Variants in KCNIP4 observed in about 807,000 individuals in gnomAD.
KCNIP4 encodes potassium voltage-gated channel interacting protein 4, also known as Kv channel-interacting protein 4.
In KCNIP4, 12 loss-of-function variants were observed where a neutral mutation model predicts 34.0. That is an observed-to-expected ratio of 0.35 (90% CI 0.23 to 0.57). The LOEUF is 0.57. Among genes scored for constraint, KCNIP4 ranks in the 20% least tolerant of loss-of-function variants. KCNIP4 has a pLI of 0.83. For missense variants in KCNIP4, 238 were observed against 311.7 expected (o/e 0.76, Z 1.78); for synonymous variants, 124 against 102.2 (o/e 1.21, Z -1.29).
At chr4:20,974,913 G>T (rs534525225) in intron 1 of KCNIP4, among the ~76,000 whole-genome samples, 1 of 152,310 alleles carries the variant, frequency 6.6e-6, no homozygotes, top group East Asian at 1.9e-4. Flanking sequence ...AGCAAAGACA[G>T]CAATGATGTT....
At chr4:21,337,590 G>A (rs902011515) in intron 1 of KCNIP4, among the ~76,000 whole-genome samples, 2 of 152,106 alleles carry the variant, frequency 1.3e-5, no homozygotes, top group African/African-American at 2.4e-5. Context: ...TAGAATTTTA[G>A]TATTCCCACA....
chr4:21,345,084 C>T (rs1717157265), intron 1 of KCNIP4, among the ~76,000 whole-genome samples: 1 of 152,102 alleles, frequency 6.6e-6, no homozygotes, highest in African/African-American at 2.4e-5. Context: ...CAGAATAATG[C>T]AGAAGTGATG....
At chr4:21,224,066 T>C (rs1179456933) in intron 1 of KCNIP4, among the ~76,000 whole-genome samples, 1 of 152,106 alleles carries the variant, frequency 6.6e-6, no homozygotes, top group East Asian at 1.9e-4. Context: ...ATTCCCTCTT[T>C]CTCTCTGCCT....
rs1294989691 is a variant in KCNIP4, at chr4:21,342,266, G to A, written c.62-459557C>T. Among the ~76,000 whole-genome samples the A allele has an allele frequency of 2.6e-5, 4 of 152,112 alleles. No individual in the cohort carries two copies. In the East Asian group the frequency reaches 5.8e-4, roughly 22 times the overall value. On this transcript the variant is annotated intron_variant, in intron 1 of 8. Coordinates refer to ENST00000382152, the MANE Select transcript of KCNIP4 (RefSeq NM_025221.6). ...TAGAAAAAGAACATCCATCTCAAGG[G>A]TAAGGAGAGGATGAAAGAGAGACAA...
At chr4:21,042,374 G>A (rs1742036560) in intron 1 of KCNIP4, among the ~76,000 whole-genome samples, 1 of 152,128 alleles carries the variant, frequency 6.6e-6, no homozygotes, top group South Asian at 2.1e-4. Context: ...TTAAAGTTCT[G>A]TCATTTGTGA....
At chr4:21,106,604 C>G (rs1246394252) in intron 1 of KCNIP4, among the ~76,000 whole-genome samples, 1 of 151,420 alleles carries the variant, frequency 6.6e-6, no homozygotes, top group African/African-American at 2.5e-5. Context: ...TCCTTCAGGT[C>G]TGCTCTGATT....
At chr4:20,887,527 G>T (rs1049571250) in intron 1 of KCNIP4, among the ~76,000 whole-genome samples, 91 of 152,092 alleles carry the variant, frequency 6.0e-4, no homozygotes, top group Non-Finnish European at 2.6e-4. Context: ...ACATACAAGG[G>T]TCAAATAATG....
At chr4:21,781,567 A>G (rs1341363073) in intron 1 of KCNIP4, among the ~76,000 whole-genome samples, 2 of 152,224 alleles carry the variant, frequency 1.3e-5, no homozygotes, top group Non-Finnish European at 2.9e-5. Context: ...ACCTAGACCA[A>G]AAGAATGCCA....
At chr4:21,117,488 C>G (rs1171785588) in intron 1 of KCNIP4, among the ~76,000 whole-genome samples, 1 of 152,146 alleles carries the variant, frequency 6.6e-6, no homozygotes, top group Non-Finnish European at 1.5e-5. Flanking sequence ...TAAATAAAAA[C>G]ATCAATAACA....
At chr4:21,204,006 C>G (rs1033262067) in intron 1 of KCNIP4, among the ~76,000 whole-genome samples, 7 of 152,144 alleles carry the variant, frequency 4.6e-5, no homozygotes, top group African/African-American at 1.4e-4. Context: ...GAGAATGAAA[C>G]TTGCATTATG....
At chr4:20,861,380 A>G (rs957074616) in intron 2 of KCNIP4, among the ~76,000 whole-genome samples, 4 of 152,162 alleles carry the variant, frequency 2.6e-5, no homozygotes, top group Non-Finnish European at 4.4e-5. Context: ...GAAGCAATTA[A>G]TTCCAAGCTG....
At chr4:21,069,682 G>A (rs1560693376) in intron 1 of KCNIP4, among the ~76,000 whole-genome samples, 1 of 152,164 alleles carries the variant, frequency 6.6e-6, no homozygotes. Flanking sequence ...CTTATGGGAA[G>A]AAGATACAGA....
At chr4:21,743,880 T>C (rs1469351186) in intron 1 of KCNIP4, among the ~76,000 whole-genome samples, 2 of 150,576 alleles carry the variant, frequency 1.3e-5, no homozygotes, top group Non-Finnish European at 3.0e-5. Flanking sequence ...TAATGGAATT[T>C]TGAAAATGGG....
chr4:20,879,915 T>C (rs184135371), intron 2 of KCNIP4, among the ~76,000 whole-genome samples: 1 of 152,280 alleles, frequency 6.6e-6, no homozygotes, highest in East Asian at 1.9e-4. Flanking sequence ...CACAAAGCCA[T>C]TTATCATGGT....
chr4:21,638,280 G>A (rs1419585137), intron 1 of KCNIP4, among the ~76,000 whole-genome samples: 3 of 152,150 alleles, frequency 2.0e-5, no homozygotes, highest in Non-Finnish European at 2.9e-5. Context: ...ACAGCATGGA[G>A]TCAGACAATT....
In KCNIP4 at chr4:20,775,761, A is replaced by T. The variant is rs549136956; in HGVS notation, c.289-16871T>A. Among the ~76,000 whole-genome samples, 198 of 152,244 alleles carry T rather than the reference A, an allele frequency of 1.3e-3. 4 individuals carry two copies. In the South Asian group the frequency reaches 0.04, roughly 30 times the overall value. On this transcript the variant is annotated intron_variant, in intron 3 of 8. Coordinates refer to ENST00000382152, the MANE Select transcript of KCNIP4 (RefSeq NM_025221.6). ...TTGTTTTTACAGTATATTCTTGCAC[A>T]TGGTACAGATGGTTAGAATAAATCT...
intron 1 of KCNIP4, among the ~76,000 whole-genome samples, chr4:21,185,448 C>CTCCTCCCTTTTCTTCTTCTTCT (rs1288020294): frequency 6.6e-6 from 1 of 151,292 alleles, no homozygotes; most frequent in Non-Finnish European, 1.5e-5. Context: ...CTTTTTCTTC[C>CTCCTCCCTTTTCTTCTTCTTCT]TCCTCCCTTT....
At chr4:20,925,397 G>A (rs1004493380) in intron 1 of KCNIP4, among the ~76,000 whole-genome samples, 8 of 152,244 alleles carry the variant, frequency 5.3e-5, no homozygotes, top group Non-Finnish European at 1.2e-4. Flanking sequence ...TTGCAGTAAA[G>A]AAGCCAGCTA....
chr4:20,974,168 C>T (rs1030047974), intron 1 of KCNIP4, among the ~76,000 whole-genome samples: 7 of 152,224 alleles, frequency 4.6e-5, no homozygotes, highest in Middle Eastern at 6.8e-3. Context: ...CTGTGTTATG[C>T]CTGTATCATT....
Sources: allele counts gnomAD v4.1 joint callset (sites outside exome capture counted in the v4.1 genomes callset), GRCh38; gene constraint gnomAD v4.1.1; transcripts MANE v1.5; gene names NCBI Gene and HGNC (gene_info 2026-07-23, HGNC 2026-07-21).